The following COL4A5 variants were observed in gnomAD, a reference collection of about 807,000 sequenced individuals.
COL4A5 encodes the protein collagen alpha-5(IV) chain.
In COL4A5, 26 loss-of-function variants were observed where a neutral mutation model predicts 130.2. The ratio of observed to expected loss-of-function variants is 0.20; its 90% CI spans 0.15 to 0.28. COL4A5 has a LOEUF of 0.28. Among genes scored for constraint, COL4A5 ranks in the 10% least tolerant of loss-of-function variants. The pLI is 1.00. For synonymous variants in COL4A5, 496 were observed against 439.6 expected (o/e 1.13, Z -1.60); for missense variants, 1,131 against 1,344.3 (o/e 0.84, Z 2.48).
At chrX:108,512,356 G>A (rs1474558162) in intron 1 of COL4A5, among the ~76,000 whole-genome samples, 1 of 110,789 alleles carries the variant, frequency 9.0e-6, no homozygotes, top group African/African-American at 3.3e-5. Flanking sequence ...TTTCCAGCAC[G>A]GAATTATCCA....
intron 19 of COL4A5, among the ~76,000 whole-genome samples, chrX:108,588,336 A>G (rs2066371167): frequency 9.0e-6 from 1 of 111,525 alleles, no homozygotes; most frequent in Non-Finnish European, 1.9e-5. Context: ...AAGAAAATAA[A>G]TATAGGTTCC....
At chrX:108,526,539 T>C (rs1029405498) in intron 1 of COL4A5, among the ~76,000 whole-genome samples, 31 of 102,713 alleles carry the variant, frequency 3.0e-4, no homozygotes. Flanking sequence ...TTTCTCTCGC[T>C]CTCCCTTCCT....
chrX:108,517,705 G>A (rs1450590557), intron 1 of COL4A5, among the ~76,000 whole-genome samples: 1 of 111,652 alleles, frequency 9.0e-6, no homozygotes, highest in Non-Finnish European at 1.9e-5. Flanking sequence ...ATGATTAACA[G>A]ATACAAATAG....
intron 36 of COL4A5, chrX:108,626,681 T>C: frequency 1.0e-6 from 1 of 963,228 alleles, no homozygotes; most frequent in South Asian, 2.8e-5. Flanking sequence ...TTTGTCCTAA[T>C]GTTATTATTA....
intron 49 of COL4A5, among the ~76,000 whole-genome samples, chrX:108,692,199 T>C (rs1017206493): frequency 1.8e-5 from 2 of 111,611 alleles, no homozygotes; most frequent in Non-Finnish European, 3.8e-5. Flanking sequence ...CTTTCTTTTT[T>C]TGGTTTGTTT....
chrX:108,629,036 G>A (rs2067203374), intron 36 of COL4A5, among the ~76,000 whole-genome samples: 1 of 111,972 alleles, frequency 8.9e-6, no homozygotes, highest in East Asian at 2.8e-4. Flanking sequence ...AGGTTACTAA[G>A]GGAAAGTCTC....
In COL4A5 at chrX:108,501,910, A is replaced by G. The variant is rs767192228; in HGVS notation, c.82-37836A>G. The stretch of plus-strand genomic sequence containing the variant: ...CCTTAGACTATTTGAGAGGTAGGAA[A>G]CCAAGGGAGAAGGAAATGGACTCTT... On this transcript the variant is annotated intron_variant, in intron 1 of 52. Coordinates refer to ENST00000328300, the MANE Select transcript of COL4A5 (RefSeq NM_033380.3). 7.1e-5 allele frequency among the ~76,000 whole-genome samples: 8 copies of G among 112,471 alleles called. 1 individual carries two copies. The highest frequency in any genetic ancestry group is 5.6e-4 in the Admixed American group (6 of 10,649).
chrX:108,694,857 C>T lies in COL4A5; in HGVS notation c.4757C>T (p.Thr1586Met), dbSNP rs768320352. Residue 1586 changes from threonine to methionine, a missense_variant, in exon 51 of 53, where the codon ACG becomes ATG. Coordinates refer to ENST00000328300, the MANE Select transcript of COL4A5 (RefSeq NM_033380.3). ...GTGGTGATCGCAGTTCACAGTCAGA[C>T]GATCCAGATTCCCCATTGTCCTCAG... ...PAVVIAVHSQ[T>M]IQIPHCPQGW... 5.0e-6 allele frequency: 6 copies of T among 1,208,575 alleles called. No homozygotes were observed. The highest frequency in any genetic ancestry group is 3.0e-5 in the East Asian group (1 of 33,731).
At chrX:108,477,161 C>A (rs1476197390) in intron 1 of COL4A5, among the ~76,000 whole-genome samples, 1 of 111,607 alleles carries the variant, frequency 9.0e-6, no homozygotes, top group Non-Finnish European at 1.9e-5. Flanking sequence ...TTGGTGACAC[C>A]CTCAGAGACA....
intron 36 of COL4A5, among the ~76,000 whole-genome samples, chrX:108,642,660 A>G (rs1310544179): frequency 1.8e-5 from 2 of 109,881 alleles, no homozygotes; most frequent in East Asian, 5.7e-4. Context: ...TGCCCCTCAC[A>G]GGAAGCCACA....
intron 50 of COL4A5, chrX:108,694,571 T>C (rs979011218): frequency 4.9e-6 from 2 of 412,268 alleles, no homozygotes; most frequent in African/African-American, 5.0e-5. Context: ...TAATGGAATA[T>C]TAAAAGGCCA....
intron 1 of COL4A5, among the ~76,000 whole-genome samples, chrX:108,442,400 T>G (rs370426517): frequency 8.9e-6 from 1 of 111,745 alleles, no homozygotes; most frequent in East Asian, 2.8e-4. Flanking sequence ...GTAACCTCTA[T>G]GCCAAAAGGT....
intron 30 of COL4A5, among the ~76,000 whole-genome samples, chrX:108,616,914 G>A (rs2147853795): frequency 9.1e-6 from 1 of 109,600 alleles, no homozygotes; most frequent in Admixed American, 9.8e-5. Context: ...GTATAAATAG[G>A]ATGGGCAGGA....
intron 38 of COL4A5, among the ~76,000 whole-genome samples, chrX:108,665,939 C>G (rs1603309963): frequency 9.0e-6 from 1 of 110,588 alleles, no homozygotes; most frequent in East Asian, 2.8e-4. Flanking sequence ...GTAATCCCAG[C>G]TACTTCGGAG....
chrX:108,528,800 C>T (rs1267337015), intron 1 of COL4A5, among the ~76,000 whole-genome samples: 1 of 112,280 alleles, frequency 8.9e-6, no homozygotes, highest in East Asian at 2.8e-4. Flanking sequence ...ATGAGCGAAG[C>T]TTTGTGTCAT....
At chrX:108,522,261 T>C (rs1456737650) in intron 1 of COL4A5, among the ~76,000 whole-genome samples, 1 of 109,806 alleles carries the variant, frequency 9.1e-6, no homozygotes, top group Non-Finnish European at 1.9e-5. Flanking sequence ...TAAATAATGA[T>C]GCTATGAACA....
At chrX:108,597,156 A>G (rs953282576) in intron 23 of COL4A5, 88 bp downstream of exon 23, 11 of 849,198 alleles carry the variant, frequency 1.3e-5, no homozygotes, top group South Asian at 2.2e-5. Flanking sequence ...ATATACACAC[A>G]TATACAATTT....
chrX:108,572,815 G>A (rs1050309479), intron 8 of COL4A5, among the ~76,000 whole-genome samples: 1 of 111,540 alleles, frequency 9.0e-6, no homozygotes, highest in African/African-American at 3.3e-5. Context: ...TTTCTACTGT[G>A]TATCTAAGGT....
intron 2 of COL4A5, among the ~76,000 whole-genome samples, chrX:108,546,926 C>T (rs146946114): frequency 0.019 from 2,154 of 112,339 alleles, 36 homozygotes; most frequent in East Asian, 0.075. Flanking sequence ...GTGCATTCAT[C>T]ACGTAGTTCT....
Sources: allele counts gnomAD v4.1 joint callset (sites outside exome capture counted in the v4.1 genomes callset), GRCh38; gene constraint gnomAD v4.1.1; transcripts MANE v1.5; gene names NCBI Gene and HGNC (gene_info 2026-07-23, HGNC 2026-07-21).